The following PRKN variants were observed in gnomAD, a reference collection of about 807,000 sequenced individuals.
The protein encoded by PRKN is E3 ubiquitin-protein ligase parkin.
In PRKN, 56 loss-of-function variants were observed where a neutral mutation model predicts 59.5. That is an observed-to-expected ratio of 0.94 (90% CI 0.76 to 1.18). PRKN has a LOEUF of 1.18. PRKN is among the 50% of genes most tolerant of loss of function. PRKN has a pLI of 0.00. For synonymous variants in PRKN, 250 were observed against 222.1 expected (o/e 1.13, Z -1.12); for missense variants, 657 against 596.4 (o/e 1.10, Z -1.06).
chr6:162,347,525 G>C (rs908196607), intron 2 of PRKN, among the ~76,000 whole-genome samples: 5 of 152,080 alleles, frequency 3.3e-5, no homozygotes, highest in Admixed American at 1.3e-4. Context: ...CTTTGGCTTT[G>C]ATGATTCTTG....
chr6:162,509,561 A>G (rs1375370798), intron 1 of PRKN, among the ~76,000 whole-genome samples: 1 of 152,190 alleles, frequency 6.6e-6, no homozygotes, highest in African/African-American at 2.4e-5. Context: ...CCAAAACATT[A>G]TATACACATC....
At chr6:162,161,402 C>T (rs1782751783) in intron 4 of PRKN, among the ~76,000 whole-genome samples, 1 of 152,150 alleles carries the variant, frequency 6.6e-6, no homozygotes, top group African/African-American at 2.4e-5. Flanking sequence ...CCCTTATCTG[C>T]GGTTTTACTT....
intron 2 of PRKN, among the ~76,000 whole-genome samples, chr6:162,313,351 T>C (rs1160756507): frequency 1.3e-5 from 2 of 152,156 alleles, no homozygotes; most frequent in Non-Finnish European, 2.9e-5. Flanking sequence ...GTTCACAGAG[T>C]ATTTTTCTTT....
chr6:161,768,116 A>ACAT (rs1789509020), intron 7 of PRKN, among the ~76,000 whole-genome samples: 1 of 151,982 alleles, frequency 6.6e-6, no homozygotes, highest in Non-Finnish European at 1.5e-5. Flanking sequence ...GAGTTATGTC[A>ACAT]GAAACAAGAG....
At chr6:161,421,363 T>C (rs1187152864) in intron 9 of PRKN, among the ~76,000 whole-genome samples, 1 of 152,172 alleles carries the variant, frequency 6.6e-6, no homozygotes, top group Non-Finnish European at 1.5e-5. Context: ...ATCCAAAAGT[T>C]GTAGAAAAGT....
chr6:162,165,477 A>C (rs550236986), intron 4 of PRKN, among the ~76,000 whole-genome samples: 1 of 149,492 alleles, frequency 6.7e-6, no homozygotes, highest in South Asian at 2.1e-4. Flanking sequence ...TTCCTAATGA[A>C]CCTAATTTGA....
At position 161,911,948 on chromosome 6, in the gene PRKN, C is replaced by T. The variant is rs9458417; in HGVS notation, c.734+61354G>A. Among the ~76,000 whole-genome samples the T allele has an allele frequency of 3.3e-5, 5 of 151,974 alleles. No homozygotes were observed. In the South Asian group the frequency reaches 6.2e-4, roughly 19 times the overall value. On this transcript the variant is annotated intron_variant, in intron 6 of 11. Coordinates refer to ENST00000366898, the MANE Select transcript of PRKN (RefSeq NM_004562.3). ...ATCCCAGCACTTTGGGAGGCCGAGG[C>T]GGACAGATCACCTGAGGTCAGGAGT... is the stretch of plus-strand genomic sequence containing the variant.
intron 7 of PRKN, among the ~76,000 whole-genome samples, chr6:161,715,091 C>A (rs958639325): frequency 6.6e-6 from 1 of 152,334 alleles, no homozygotes; most frequent in Non-Finnish European, 1.5e-5. Flanking sequence ...CAAGCAGCTG[C>A]ACCTCCGCTC....
chr6:162,151,444 T>A (rs2128313814), intron 4 of PRKN, among the ~76,000 whole-genome samples: 1 of 152,328 alleles, frequency 6.6e-6, no homozygotes, highest in South Asian at 2.1e-4. Context: ...CACCTCCCAG[T>A]CCCTTTCTTA....
rs200145400 is a variant in PRKN at position 162,280,170 on chromosome 6, ATTAAGG to A, written c.172-17411_172-17406del. Among the ~76,000 whole-genome samples, 3 of 152,218 alleles carry A rather than the reference ATTAAGG, an allele frequency of 2.0e-5. No homozygotes were observed. The East Asian group carries it at 5.8e-4, about 29-fold the overall frequency. On this transcript the variant is annotated intron_variant, in intron 2 of 11. Coordinates refer to ENST00000366898, the MANE Select transcript of PRKN (RefSeq NM_004562.3). Reference sequence around the variant, plus strand: ...GATTGGGGCATTTAAGCCATTTACAATTAAGGTTAATACTACTACGTGTGAATTTGT... The same window carrying A: ...GATTGGGGCATTTAAGCCATTTACAATTAATACTACTACGTGTGAATTTGT...
chr6:161,932,011 C>G (rs1475042148), intron 6 of PRKN, among the ~76,000 whole-genome samples: 3 of 152,092 alleles, frequency 2.0e-5, no homozygotes, highest in African/African-American at 7.2e-5. Context: ...TGAAAATCAT[C>G]AACCATATGT....
At chr6:162,207,433 G>A (rs1365677320) in intron 3 of PRKN, among the ~76,000 whole-genome samples, 2 of 152,098 alleles carry the variant, frequency 1.3e-5, no homozygotes, top group East Asian at 1.9e-4. Flanking sequence ...GGTTACTGGG[G>A]GAAAAGTTGC....
rs369271447 is a variant in PRKN, at chr6:161,579,161, A to G, written c.872-9745T>C. Among the ~76,000 whole-genome samples, 1 of 152,154 alleles carries G rather than the reference A, an allele frequency of 6.6e-6. No homozygotes were observed. Among genetic ancestry groups the G allele is most frequent in the South Asian group, 2.1e-4 (1 of 4,826 alleles). On this transcript the variant is annotated intron_variant, in intron 7 of 11. Coordinates refer to ENST00000366898, the MANE Select transcript of PRKN (RefSeq NM_004562.3). The surrounding 1 kb of genome is among the most constrained non-coding windows in gnomAD (Gnocchi z 4.2). The stretch of plus-strand genomic sequence containing the variant: ...GAAAGGGAGGAAGTGAAGGAGATGG[A>G]ATTTTGTGCTCTCTTTAATATGTTT...
intron 2 of PRKN, among the ~76,000 whole-genome samples, chr6:162,435,866 T>A (rs1789742601): frequency 6.6e-6 from 1 of 152,140 alleles, no homozygotes; most frequent in African/African-American, 2.4e-5. Flanking sequence ...TCCTTTTATC[T>A]TATAATCAGT....
chr6:162,727,593 G>GCGGGGCGTGGCGCCATAC lies in PRKN; in HGVS notation c.7+51_7+68dup, dbSNP rs1245191042. 2.0e-6 allele frequency: 3 copies of GCGGGGCGTGGCGCCATAC among 1,502,526 alleles called. No individual in the cohort carries two copies. In the African/African-American group the frequency reaches 4.2e-5, roughly 21 times the overall value. 93.1% of individuals were successfully genotyped at this position (1,502,526 alleles called of 1,614,324 possible). A position where few individuals can be genotyped will look rare whatever the true frequency, so the allele number is the denominator to read the frequency against. Reference sequence around the variant, plus strand: ...GCACCGGGGGTCCTGGTCGGCCGAGGCGGGGCGTGGCGCCATACCGGGGCG... The same window carrying GCGGGGCGTGGCGCCATAC: ...GCACCGGGGGTCCTGGTCGGCCGAGGCGGGGCGTGGCGCCATACCGGGGCGTGGCGCCATACCGGGGCG... On this transcript the variant is annotated intron_variant, in intron 1 of 11. Coordinates refer to ENST00000366898, the MANE Select transcript of PRKN (RefSeq NM_004562.3).
chr6:161,905,582 G>A (rs1267837482), intron 6 of PRKN, among the ~76,000 whole-genome samples: 4 of 152,040 alleles, frequency 2.6e-5, no homozygotes, highest in Non-Finnish European at 5.9e-5. Context: ...TTTCAGATCC[G>A]CTTCCAAGCT....
intron 1 of PRKN, chr6:162,727,384 G>T (rs1013608415): frequency 1.9e-5 from 9 of 469,970 alleles, no homozygotes; most frequent in African/African-American, 1.5e-4. Context: ...AACGAGGAGC[G>T]GGGGTGCGGG....
chr6:161,718,203 G>A (rs1787068050), intron 7 of PRKN, among the ~76,000 whole-genome samples: 1 of 152,138 alleles, frequency 6.6e-6, no homozygotes, highest in South Asian at 2.1e-4. Flanking sequence ...TGAAAGCCAG[G>A]CAAAGTGTTG....
rs914621900 is a variant in PRKN, at chr6:161,488,380, G to A, written c.1083+60474C>T. 3.3e-5 allele frequency among the ~76,000 whole-genome samples: 5 copies of A among 152,172 alleles called. No homozygotes were observed. The highest frequency in any genetic ancestry group is 4.8e-5 in the African/African-American group (2 of 41,454). On this transcript the variant is annotated intron_variant, in intron 9 of 11. Coordinates refer to ENST00000366898, the MANE Select transcript of PRKN (RefSeq NM_004562.3). This position sits in a 1 kb window ranked among gnomAD's most constrained non-coding sequence, Gnocchi z 4.5. ...AGAAGAACTCCAAATTTTATTCTCC[G>A]GAGTGGAGCTGCTTAAACTGTTAGT...
Sources: gnomAD v4.1 joint callset for allele counts (sites outside exome capture counted in the v4.1 genomes callset) on GRCh38, gnomAD v4.1.1 for gene constraint, Gnocchi (gnomAD v3.1) non-coding constraint, MANE v1.5 for transcripts, NCBI Gene and HGNC (gene_info 2026-07-23, HGNC 2026-07-21) for gene names.